DGKH: variants seen among roughly 807,000 people sequenced by gnomAD.
The protein encoded by DGKH is DAG kinase eta.
A neutral mutation model predicts 159.3 loss-of-function variants in DGKH; 90 were observed. The observed-to-expected ratio is 0.57, with a 90% CI of 0.48 to 0.67. DGKH has a LOEUF of 0.67. Among genes scored for constraint, DGKH ranks in the 30% least tolerant of loss-of-function variants. DGKH has a pLI of 0.00. For synonymous variants in DGKH, 536 were observed against 553.8 expected (o/e 0.97, Z 0.45); for missense variants, 1,181 against 1,506.1 (o/e 0.78, Z 3.57).
intron 15 of DGKH, among the ~76,000 whole-genome samples, chr13:42,190,178 T>G (rs67192248): frequency 0.12 from 18,133 of 152,236 alleles, 1,533 homozygotes; most frequent in East Asian, 0.4. Flanking sequence ...TCTAAAATTC[T>G]TATACTTTAC....
chr13:42,069,989 G>A, intron 1 of DGKH: 1 of 792,180 alleles, frequency 1.3e-6, no homozygotes. Flanking sequence ...TTATGTATAG[G>A]CCAATCATGC....
chr13:42,092,259 G>A (rs531187368), intron 1 of DGKH, among the ~76,000 whole-genome samples: 4 of 152,238 alleles, frequency 2.6e-5, no homozygotes, highest in South Asian at 4.1e-4. Context: ...CAAAAGAAAC[G>A]TATCAGTATA....
chr13:42,076,651 T>A (rs1954106402), intron 1 of DGKH, among the ~76,000 whole-genome samples: 1 of 152,344 alleles, frequency 6.6e-6, no homozygotes, highest in Non-Finnish European at 1.5e-5. Context: ...CTTGTGACCA[T>A]AATGTTTTAA....
chr13:42,151,578 TAC>T (rs60281789), intron 3 of DGKH, among the ~76,000 whole-genome samples: 11,973 of 93,658 alleles, frequency 0.13, 638 homozygotes, highest in South Asian at 0.18. Context: ...CTTATATGTA[TAC>T]ACACACACAC....
chr13:42,227,022 A>T (rs1258092576), intron 29 of DGKH, among the ~76,000 whole-genome samples: 1 of 152,128 alleles, frequency 6.6e-6, no homozygotes, highest in Non-Finnish European at 1.5e-5. Flanking sequence ...AGAAAATCAA[A>T]CACCACACGT....
At chr13:42,207,574 G>T (rs534015704) in intron 21 of DGKH, among the ~76,000 whole-genome samples, 19 of 151,622 alleles carry the variant, frequency 1.3e-4, no homozygotes, top group African/African-American at 4.6e-4. Flanking sequence ...GGCCGGTCGA[G>T]TTTAGGGCTA....
intron 3 of DGKH, among the ~76,000 whole-genome samples, chr13:42,151,710 G>A (rs1566135098): frequency 6.6e-6 from 1 of 150,886 alleles, no homozygotes; most frequent in African/African-American, 2.4e-5. Flanking sequence ...GGATACTTAG[G>A]TTGATTCCAT....
At chr13:42,043,777 T>A (rs914997945), upstream of DGKH, 5 of 152,198 alleles carry the variant, frequency 3.3e-5, no homozygotes, top group African/African-American at 1.2e-4. Context: ...TGTTGCATTA[T>A]CCCTTATGGG....
chr13:42,239,402 T>C lies in DGKH; in HGVS notation c.*10214T>C, dbSNP rs1958476276. The C allele has an allele frequency of 6.6e-6, 1 of 152,620 alleles. No individual in the cohort carries two copies. 9.5% of individuals were successfully genotyped at this position (152,620 alleles called of 1,614,324 possible). A position where few individuals can be genotyped will look rare whatever the true frequency, so the allele number is the denominator to read the frequency against. On this transcript the variant is annotated 3_prime_UTR_variant, in exon 30 of 30. Transcript: ENST00000337343. ...GCCAAGAAACTCATAAACTAAAGTA[T>C]GGAATAACACAAATGCTTAATCTTA...
At chr13:42,060,428 C>T (rs1223112381) in intron 1 of DGKH, among the ~76,000 whole-genome samples, 1 of 152,190 alleles carries the variant, frequency 6.6e-6, no homozygotes, top group African/African-American at 2.4e-5. Flanking sequence ...GCCTACCAGA[C>T]ATTTCCTGTA....
intron 3 of DGKH, among the ~76,000 whole-genome samples, chr13:42,148,645 AAAC>A (rs1955797680): frequency 6.6e-6 from 1 of 152,182 alleles, no homozygotes; most frequent in Non-Finnish European, 1.5e-5. Context: ...TTCCTGGCTT[AAAC>A]CCCTTTAGTA....
intron 1 of DGKH, 106 bp from the exon 2 acceptor site, chr13:42,127,357 G>C: frequency 1.2e-6 from 1 of 808,190 alleles, no homozygotes; most frequent in East Asian, 2.7e-5. Context: ...TGTAAGACAT[G>C]AGAAATATTA....
At chr13:42,246,611 A>T (rs1183357201), downstream of DGKH, among the ~76,000 whole-genome samples, 4 of 152,122 alleles carry the variant, frequency 2.6e-5, no homozygotes, top group Non-Finnish European at 5.9e-5. Flanking sequence ...TTTTGGATGA[A>T]TGTGGGCATT....
rs182289542 is a variant in DGKH, at chr13:42,124,792, G to A, written c.193-2671G>A. 1.5e-3 allele frequency among the ~76,000 whole-genome samples: 229 copies of A among 152,310 alleles called. 1 individual carries two copies. The highest frequency in any genetic ancestry group is 3.3e-3 in the Admixed American group (50 of 15,298). On this transcript the variant is annotated intron_variant, in intron 1 of 29. Coordinates refer to ENST00000337343, the MANE Select transcript of DGKH (RefSeq NM_178009.5). Reference sequence around the variant, plus strand: ...CGGAGGAGGGAGGCCATAGAATGCTGGCATTAAATCTTATTTTTCTTAAGA... The same window carrying A: ...CGGAGGAGGGAGGCCATAGAATGCTAGCATTAAATCTTATTTTTCTTAAGA...
chr13:42,117,572 T>C (rs1037916079), intron 1 of DGKH, among the ~76,000 whole-genome samples: 3 of 152,226 alleles, frequency 2.0e-5, no homozygotes, highest in Non-Finnish European at 4.4e-5. Flanking sequence ...CTTTTTTTTC[T>C]TCAAGAATTT....
At chr13:42,115,741 C>T in intron 1 of DGKH, among the ~76,000 whole-genome samples, 1 of 152,156 alleles carries the variant, frequency 6.6e-6, no homozygotes, top group East Asian at 1.9e-4. Context: ...CTTGTATGAC[C>T]AGCTAAGAGG....
In DGKH at chr13:42,242,369, CTA is replaced by C. The variant is rs140964106; in HGVS notation, c.*13183_*13184del. On this transcript the variant is annotated 3_prime_UTR_variant, in exon 30 of 30. Transcript: ENST00000337343. ...TCTGAAAGATGCAGATAATATCTAT[CTA>C]TTTATTACACAGTGGGCTCTGTTTG... 1.0e-3 allele frequency: 158 copies of C among 152,304 alleles called. No individual in the cohort carries two copies. The highest frequency in any genetic ancestry group is 3.5e-3 in the African/African-American group (144 of 41,574). The allele number at this position is 152,304 out of a possible 1,614,324, so 9.4% of individuals were successfully genotyped here.
chr13:42,063,871 G>A (rs899609270), intron 1 of DGKH, among the ~76,000 whole-genome samples: 3 of 151,952 alleles, frequency 2.0e-5, no homozygotes, highest in African/African-American at 4.8e-5. Flanking sequence ...CCTGGAAGGC[G>A]GAGGTTGTGG....
chr13:42,133,687 C>T (rs1215432457), intron 3 of DGKH, among the ~76,000 whole-genome samples: 1 of 152,044 alleles, frequency 6.6e-6, no homozygotes, highest in Admixed American at 6.6e-5. Context: ...CAAAGTGATT[C>T]CCTGTCTCTA....
Sources: allele counts gnomAD v4.1 joint callset (sites outside exome capture counted in the v4.1 genomes callset), GRCh38; gene constraint gnomAD v4.1.1; transcripts MANE v1.5; gene names NCBI Gene and HGNC (gene_info 2026-07-23, HGNC 2026-07-21).